ANKRD26: variants seen among roughly 807,000 people sequenced by gnomAD.
The protein encoded by ANKRD26 is ankyrin repeat domain 26.
In ANKRD26, 141 loss-of-function variants were observed where a neutral mutation model predicts 208.7. The ratio of observed to expected loss-of-function variants is 0.68; its 90% confidence interval spans 0.59 to 0.78. ANKRD26 has a LOEUF of 0.78. Ranked by LOEUF, ANKRD26 falls within the 30% of genes least tolerant of loss-of-function variation. The pLI, the probability that ANKRD26 is intolerant of heterozygous loss-of-function variation, is 0.00. For missense variants in ANKRD26, 1,889 were observed against 1,938.7 expected (o/e 0.97, Z 0.48); for synonymous variants, 636 against 660.4 (o/e 0.96, Z 0.57).
At chr10:26,989,529 A>AC (rs2052448887), downstream of ANKRD26, among the ~76,000 whole-genome samples, 1 of 152,238 alleles carries the variant, frequency 6.6e-6, no homozygotes, top group Non-Finnish European at 1.5e-5. Flanking sequence ...TGTGAGACCT[A>AC]CCAAGTGGGT....
intron 13 of ANKRD26, 117 bp from the exon 14 acceptor site, chr10:27,060,657 T>C: frequency 1.2e-6 from 1 of 830,154 alleles, no homozygotes; most frequent in Non-Finnish European, 1.9e-6. Context: ...ATGATTATGT[T>C]AATTTTTGGG....
chr10:27,049,707 T>C (rs954361976), intron 16 of ANKRD26, among the ~76,000 whole-genome samples: 1 of 152,256 alleles, frequency 6.6e-6, no homozygotes, highest in South Asian at 2.1e-4. Flanking sequence ...AAATGATCCA[T>C]CCAGATTAAA....
At position 27,037,336 on chromosome 10, in the gene ANKRD26, T is replaced by C. The variant is rs1421671759; in HGVS notation, c.2560-13A>G. ...GCTCTTGAACGACCTAGAGATACAT[T>C]AAGTTTTAGGTCTATTAGCATTTTG... On this transcript the variant is annotated splice_polypyrimidine_tract_variant and intron_variant, in intron 22 of 33. Coordinates refer to ENST00000376087, the MANE Select transcript of ANKRD26 (RefSeq NM_014915.3). 6.2e-7 allele frequency: 1 copy of C among 1,613,520 alleles called. No homozygotes were observed. Among genetic ancestry groups the C allele is most frequent in the African/African-American group, 1.3e-5 (1 of 74,904 alleles).
At chr10:27,079,981 C>A in intron 6 of ANKRD26, 1 of 282,918 alleles carries the variant, frequency 3.5e-6, no homozygotes, top group Non-Finnish European at 7.3e-6. Context: ...CATAGTGAAA[C>A]TCTGTCTCTA....
the ANKRD26 span, among the ~76,000 whole-genome samples, chr10:26,959,104 T>C: frequency 1.3e-5 from 2 of 151,530 alleles, no homozygotes; most frequent in Non-Finnish European, 1.5e-5. Flanking sequence ...TTTTGAGGAG[T>C]GTTGAAACTA....
chr10:26,951,706 G>A, the ANKRD26 span, among the ~76,000 whole-genome samples: 10 of 152,146 alleles, frequency 6.6e-5, no homozygotes, highest in Admixed American at 3.3e-4. Context: ...TTTTGCTGTT[G>A]TATGCATTGG....
At chr10:27,075,866 A>C (rs1414011478) in intron 9 of ANKRD26, among the ~76,000 whole-genome samples, 1 of 152,240 alleles carries the variant, frequency 6.6e-6, no homozygotes, top group African/African-American at 2.4e-5. Context: ...AACAAGTCTT[A>C]ATAAATTTTA....
At chr10:26,967,185 G>C in the ANKRD26 span, among the ~76,000 whole-genome samples, 3 of 152,138 alleles carry the variant, frequency 2.0e-5, no homozygotes, top group Admixed American at 2.0e-4. Flanking sequence ...GCACTTGTCA[G>C]TTTTGCAAAA....
chr10:27,093,651 C>T, intron 2 of ANKRD26, 34 bp downstream of exon 2: 1 of 1,601,512 alleles, frequency 6.2e-7, no homozygotes. Flanking sequence ...TAAGTCAAAT[C>T]CATCTGATGC....
At chr10:27,039,553 T>C (rs1469581097) in intron 21 of ANKRD26, among the ~76,000 whole-genome samples, 2 of 152,110 alleles carry the variant, frequency 1.3e-5, no homozygotes, top group Non-Finnish European at 2.9e-5. Flanking sequence ...TTTAAAAATC[T>C]GGACCAAAGG....
rs2054176790 is a variant in ANKRD26 at position 27,039,994 on chromosome 10, A to C, written c.2346T>G (p.Val782=). ...AAGAGCACAGTTCTCGTTCCCATTC[A>C]ACTTTTTGATGCTCTAACTGTGATT... ...EIKSQLEHQK[V]EWERELCSLR... Residue 782 remains valine, a synonymous_variant, in exon 21 of 34, where the codon GTT becomes GTG. Transcript: ENST00000376087. The C allele has an allele frequency of 6.2e-7, 1 of 1,613,788 alleles. No individual in the cohort carries two copies. Among genetic ancestry groups the C allele is most frequent in the Non-Finnish European group, 8.5e-7 (1 of 1,179,890 alleles).
rs1171388214 is a variant in ANKRD26, at chr10:27,046,478, T to C, written c.1860A>G (p.Lys620=). Residue 620 remains lysine (K), a synonymous_variant, in exon 18 of 34, where the codon AAA becomes AAG. Transcript: ENST00000376087. ...LQMKEVKSTE[K]EKRTSKESVN... ...CAGATTCTTTCGAGGTCCGTTTTTC[T>C]TTTTCAGTGCTCTTTACTTCCTTCA... 5 of 1,614,110 alleles carry C rather than the reference T, an allele frequency of 3.1e-6. No individual in the cohort carries two copies. Among genetic ancestry groups the C allele is most frequent in the Middle Eastern group, 1.6e-4 (1 of 6,062 alleles).
chr10:27,017,397 A>G, intron 30 of ANKRD26, 105 bp downstream of exon 30: 1 of 1,201,126 alleles, frequency 8.3e-7, no homozygotes, highest in Non-Finnish European at 1.2e-6. Context: ...CTAGAAATCT[A>G]CAGAACAAAT....
chr10:27,006,015 C>A (rs2052863621), intron 33 of ANKRD26, among the ~76,000 whole-genome samples: 1 of 152,010 alleles, frequency 6.6e-6, no homozygotes, highest in Non-Finnish European at 1.5e-5. Flanking sequence ...TGATATGATC[C>A]ACCTCTAACA....
rs779782835 is a variant in ANKRD26, at chr10:27,093,526, G to A, written c.358-4C>T. ...TCTCTTCCTGGCATTGTACAGCCTG[G>A]GAGTATTAGACCAAGAAACAGATCA... On this transcript the variant is annotated splice_region_variant and splice_polypyrimidine_tract_variant and intron_variant, in intron 2 of 33. Transcript: ENST00000376087. The A allele has an allele frequency of 2.5e-6, 4 of 1,613,986 alleles. No homozygotes were observed. In the South Asian group the frequency reaches 4.4e-5, roughly 18 times the overall value.
At chr10:27,091,566 GC>G (rs1177489531) in intron 4 of ANKRD26, among the ~76,000 whole-genome samples, 7 of 152,120 alleles carry the variant, frequency 4.6e-5, no homozygotes, top group Admixed American at 2.6e-4. Flanking sequence ...TTCAAAGAAA[GC>G]AACTTAAAGC....
In ANKRD26 at chr10:27,015,066, A is replaced by G. The variant is rs529804419; in HGVS notation, c.4507-355T>C. On this transcript the variant is annotated intron_variant, in intron 30 of 33. Transcript: ENST00000376087. ...ATTGGTAACATAAGGAAAACCTAAG[A>G]AAGAAAATGACTACAAATGTGGAGA... Among the ~76,000 whole-genome samples the G allele has an allele frequency of 1.5e-3, 233 of 152,338 alleles. 8 individuals are homozygous for G. The South Asian group carries it at 0.047, about 31-fold the overall frequency.
intron 7 of ANKRD26, among the ~76,000 whole-genome samples, chr10:27,078,840 C>T (rs1425497414): frequency 6.6e-6 from 1 of 150,904 alleles, no homozygotes; most frequent in Non-Finnish European, 1.5e-5. Context: ...TATGTATTTT[C>T]CAGTATATTC....
At chr10:26,955,178 C>T in the ANKRD26 span, among the ~76,000 whole-genome samples, 2 of 151,818 alleles carry the variant, frequency 1.3e-5, no homozygotes, top group African/African-American at 2.4e-5. Flanking sequence ...CCCATAATCC[C>T]AGCACTTTGG....
Sources: gnomAD v4.1 joint callset for allele counts (sites outside exome capture counted in the v4.1 genomes callset) on GRCh38, gnomAD v4.1.1 for gene constraint, MANE v1.5 for transcripts, NCBI Gene and HGNC (gene_info 2026-07-23, HGNC 2026-07-21) for gene names.